Variants in C12orf57 observed in about 807,000 individuals in gnomAD.
C12orf57 encodes the protein protein C10.
A neutral mutation model predicts 11.3 loss-of-function variants in C12orf57; 14 were observed. The observed-to-expected ratio is 1.24, with a 90% CI of 0.82 to 1.94. C12orf57 has a LOEUF of 1.94. C12orf57 is among the 30% of genes most tolerant of loss of function. The pLI is 0.00. For missense variants in C12orf57, 229 were observed against 172.4 expected (o/e 1.33, Z -1.84); for synonymous variants, 100 against 74.6 (o/e 1.34, Z -1.76).
upstream of C12orf57, chr12:6,943,671 C>T (rs782461722): frequency 2.3e-5 from 29 of 1,284,414 alleles, no homozygotes; most frequent in African/African-American, 4.3e-4. Flanking sequence ...AAGTAAGTTC[C>T]TTAGAATATT....
intron 2 of C12orf57, 128 bp downstream of exon 2, chr12:6,944,780 C>CT (rs782697612): frequency 8.7e-5 from 134 of 1,532,560 alleles, no homozygotes; most frequent in Non-Finnish European, 1.1e-4. Flanking sequence ...CACAATCTGA[C>CT]TAACATTCTT....
At chr12:6,944,440 C>G (rs782130872) in intron 1 of C12orf57, 36 bp from the exon 2 acceptor site, 42 of 1,601,330 alleles carry the variant, frequency 2.6e-5, no homozygotes, top group Non-Finnish European at 2.9e-5. Context: ...CCGACGCCTA[C>G]CCGGGACGCC....
At chr12:6,943,523 C>A, upstream of C12orf57, 1 of 1,285,374 alleles carries the variant, frequency 7.8e-7, no homozygotes, top group South Asian at 1.2e-5. Flanking sequence ...TTGCTCTGGG[C>A]CTTTACTGCC....
At chr12:6,943,806 A>C (rs141154581), upstream of C12orf57, 20 of 884,070 alleles carry the variant, frequency 2.3e-5, no homozygotes, top group South Asian at 7.0e-5. Context: ...CTCTCCAAAC[A>C]CATACGCAGC....
At chr12:6,945,740 A>AC (rs781906709) in intron 2 of C12orf57, 31 bp from the exon 3 acceptor site, 1 of 1,610,850 alleles carries the variant, frequency 6.2e-7, no homozygotes, top group East Asian at 2.2e-5. Flanking sequence ...GGTCCTTAGG[A>AC]GAAGGGTTGA....
rs782168213 is a variant in C12orf57 at position 6,944,154 on chromosome 12, G to A, written c.33G>A (p.Leu11=). The A allele has an allele frequency of 8.1e-6, 13 of 1,614,122 alleles. No individual in the cohort carries two copies. The highest frequency in any genetic ancestry group is 1.7e-6 in the Non-Finnish European group (2 of 1,180,050). Residue 11 remains leucine, a synonymous_variant, in exon 1 of 3, where the codon TTG becomes TTA. Coordinates refer to ENST00000229281, the MANE Select transcript of C12orf57 (RefSeq NM_138425.4). The stretch of plus-strand genomic sequence containing the variant: ...CCGCCTCGACCCAACCGGCGGCCTT[G>A]AGCGCTGAGCAAGCAAAGGGTGAGA... The part of the protein sequence containing the change: MASASTQPAA[L]SAEQAKVVLA...
At chr12:6,944,942 T>TG in intron 2 of C12orf57, 1 of 1,180,220 alleles carries the variant, frequency 8.5e-7, no homozygotes, top group South Asian at 2.1e-5. Context: ...ATGGATATCT[T>TG]GGGGGATGGG....
chr12:6,944,001 CGGCTGCGCCG>C, upstream of C12orf57: 1 of 1,592,952 alleles, frequency 6.3e-7, no homozygotes, highest in Non-Finnish European at 8.5e-7. Flanking sequence ...TGGGCGCTTC[CGGCTGCGCCG>C]GATGCTGTTT....
rs782086556 is a variant in C12orf57 at position 6,945,920 on chromosome 12, T to C, written c.379T>C (p.Ter127ArgextTer?). 3 of 1,610,550 alleles carry C rather than the reference T, an allele frequency of 1.9e-6. No individual in the cohort carries two copies. The highest frequency in any genetic ancestry group is 1.7e-6 in the Non-Finnish European group (2 of 1,179,486). The change falls in exon 3 of 3, where the codon TGA becomes CGA. Residue 127 changes from the stop codon to arginine, a stop_lost. Transcript: ENST00000229281. ...TGCTGGTGGCAGCGTGGCCGCCTCC[T>C]GAGAGTTGGCCCTCCCTTGTGCCAC... The part of the protein sequence containing the change: ...PAAGGSVAAS[*>R]
rs111966673 is a variant in C12orf57, at chr12:6,944,023, C to T, written c.-99C>T. 2,546 of 1,607,344 alleles carry T rather than the reference C, an allele frequency of 1.6e-3. 20 individuals are homozygous for T. The Middle Eastern group carries it at 0.041, about 26-fold the overall frequency. On this transcript the variant is annotated 5_prime_UTR_variant, in exon 1 of 3. Transcript: ENST00000229281. ...TTCCGGCTGCGCCGGATGCTGTTTC[C>T]TTTCCGCTCCCAGGGGCGTTGGGAA...
chr12:6,943,871 A>AT (rs1483924077), upstream of C12orf57: 2 of 955,264 alleles, frequency 2.1e-6, no homozygotes, highest in African/African-American at 1.7e-5. Context: ...TTTTACCGGA[A>AT]AGCCCCTCTT....
At chr12:6,943,929 T>G (rs782058037), upstream of C12orf57, 398 of 1,325,086 alleles carry the variant, frequency 3.0e-4, 1 homozygote, top group African/African-American at 4.8e-3. Context: ...GCAAAAATTA[T>G]GGGTAGTTTT....
Position 6,944,035 on chromosome 12 carries a change from A to AG in C12orf57, c.-83dup. On this transcript the variant is annotated 5_prime_UTR_variant, in exon 1 of 3. Coordinates refer to ENST00000229281, the MANE Select transcript of C12orf57 (RefSeq NM_138425.4). ...CGGATGCTGTTTCCTTTCCGCTCCC[A>AG]GGGGCGTTGGGAACGGTTGTAGGAC... The AG allele has an allele frequency of 1.2e-6, 2 of 1,609,138 alleles. No individual in the cohort carries two copies. The highest frequency in any genetic ancestry group is 1.7e-6 in the Non-Finnish European group (2 of 1,178,990).
At chr12:6,944,693 G>C in intron 2 of C12orf57, 41 bp downstream of exon 2, 1 of 1,601,788 alleles carries the variant, frequency 6.2e-7, no homozygotes, top group Non-Finnish European at 8.5e-7. Flanking sequence ...GCGGGAAGGC[G>C]GGAGTTGGGT....
rs1772288553 is a variant in C12orf57 at position 6,945,683 on chromosome 12, C to G, written c.230-88C>G. On this transcript the variant is annotated intron_variant, in intron 2 of 2. Transcript: ENST00000229281. ...AACAGCTGCCCAGCCAGTGGGGGAG[C>G]AGTTCATGCTTAGACTACCACCCCC... The G allele has an allele frequency of 5.8e-6, 8 of 1,368,966 alleles. No homozygotes were observed. The South Asian group carries it at 9.9e-5, about 17-fold the overall frequency. The allele number at this position is 1,368,966 out of a possible 1,614,324, so 84.8% of individuals were successfully genotyped here.
chr12:6,943,658 C>T (rs1945685069), upstream of C12orf57: 1 of 1,288,718 alleles, frequency 7.8e-7, no homozygotes. Flanking sequence ...AAATGAATGA[C>T]TTAAGTAAGT....
In C12orf57 at chr12:6,944,651, A is replaced by C. The variant is rs782212369; in HGVS notation, c.228A>C (p.Glu76Asp). Residue 76 changes from glutamate to aspartate, a missense_variant and splice_region_variant, in exon 2 of 3, where the codon GAA (glutamate) becomes GAC (aspartate). Coordinates refer to ENST00000229281, the MANE Select transcript of C12orf57 (RefSeq NM_138425.4). ...IKAYGFSCDG[E>D]GVLKFARLVK... ...CCTATGGCTTCAGCTGCGACGGGGA[A>C]GGTGGGTCAGACGCGGGAAGGCGGG... The C allele has an allele frequency of 4.3e-6, 7 of 1,610,692 alleles. No homozygotes were observed. The East Asian group carries it at 1.6e-4, about 36-fold the overall frequency.
rs1302081104 is a variant in C12orf57, at chr12:6,944,251, CGGGCGGAGGATGT to C, written c.52+82_52+94del. 1.4e-5 allele frequency: 23 copies of C among 1,609,202 alleles called. No individual in the cohort carries two copies. In the African/African-American group the frequency reaches 2.5e-4, roughly 18 times the overall value. On this transcript the variant is annotated intron_variant, in intron 1 of 2. Transcript: ENST00000229281. Reference sequence around the variant, plus strand: ...ATGGGCTGCTGGTCTGGGGAGGATGCGGGCGGAGGATGTGGGGCGACAAACCTGGCTACGTCCG... The same window carrying C: ...ATGGGCTGCTGGTCTGGGGAGGATGCGGGGCGACAAACCTGGCTACGTCCG...
At chr12:6,944,728 G>A (rs1555146131) in intron 2 of C12orf57, 76 bp downstream of exon 2, 8 of 1,591,950 alleles carry the variant, frequency 5.0e-6, no homozygotes, top group Middle Eastern at 3.3e-4. Flanking sequence ...GGATCTGTGG[G>A]CCCATGAGCG....
Sources: gnomAD v4.1 joint callset for allele counts on GRCh38, gnomAD v4.1.1 for gene constraint, MANE v1.5 for transcripts, NCBI Gene and HGNC (gene_info 2026-07-23, HGNC 2026-07-21) for gene names.